WDR90: variants seen among roughly 807,000 people sequenced by gnomAD.
The protein encoded by WDR90 is WD repeat-containing protein 90.
In WDR90, 238 loss-of-function variants were observed where a neutral mutation model predicts 195.2. The observed-to-expected ratio is 1.22, with a 90% CI of 1.10 to 1.36. The LOEUF (loss-of-function observed/expected upper bound fraction) is 1.36. WDR90 is among the 40% of genes most tolerant of loss of function. The pLI is 0.00. For missense variants in WDR90, 2,734 were observed against 2,439.5 expected, an observed-to-expected ratio of 1.12 and a Z score of -2.54; for synonymous variants, 1,265 against 1,052.4, an observed-to-expected ratio of 1.20 and a Z score of -3.91.
At position 649,770 on chromosome 16, in the gene WDR90, G is replaced by A. The variant is rs1443400524; in HGVS notation, c.18G>A (p.Gln6=). The change falls in exon 2 of 41, where the codon CAG becomes CAA. Residue 6 remains glutamine, a synonymous_variant. Coordinates refer to ENST00000293879, the MANE Select transcript of WDR90 (RefSeq NM_145294.5). ...GGCGCCCGCTCCCCGCAGCGTGGCAGCACCCGTTCCTCAACGTCTTCAGAC... is the reference window on the plus strand; with the variant it reads ...GGCGCCCGCTCCCCGCAGCGTGGCAACACCCGTTCCTCAACGTCTTCAGAC... MARAW[Q]HPFLNVFRHF... is the part of the protein sequence containing the mutation. 6.4e-7 allele frequency: 1 copy of A among 1,559,778 alleles called. No individual in the cohort carries two copies. The highest frequency in any genetic ancestry group is 1.9e-5 in the Admixed American group (1 of 52,002).
chr16:652,857 AGT>A (rs1344210729), intron 10 of WDR90, among the ~76,000 whole-genome samples: 1 of 152,098 alleles, frequency 6.6e-6, no homozygotes, highest in Non-Finnish European at 1.5e-5. Context: ...CCAGACCAGC[AGT>A]GTGGGGCCAG....
chr16:650,019 G>T lies in WDR90; in HGVS notation c.131G>T (p.Arg44Leu), dbSNP rs2037609535. ...AAGACCCTGAAGGGCGCCGTGTATC[G>T]CATTCGGGGCTCAGTCTCTGCCGCC... ...TDKTLKGAVY[R>L]IRGSVSAANY... Residue 44 changes from arginine (R) to leucine (L), a missense_variant, in exon 3 of 41, where the codon CGC (arginine) becomes CTC (leucine). Arg to Leu is a moderately radical substitution (Grantham distance 102). Transcript: ENST00000293879. 6.2e-7 allele frequency: 1 copy of T among 1,612,760 alleles called. No homozygotes were observed. The highest frequency in any genetic ancestry group is 8.5e-7 in the Non-Finnish European group (1 of 1,179,970).
intron 31 of WDR90, 47 bp from the exon 32 acceptor site, chr16:661,843 TG>T: frequency 6.3e-7 from 1 of 1,590,816 alleles, no homozygotes; most frequent in South Asian, 1.1e-5. Flanking sequence ...GGAATCTGCC[TG>T]GGCCCCGGGA....
intron 17 of WDR90, 106 bp from the exon 18 acceptor site, chr16:656,194 CTT>C (rs2037749964): frequency 4.6e-6 from 5 of 1,087,198 alleles, no homozygotes; most frequent in Non-Finnish European, 6.6e-6. Context: ...GAGCCTGGGA[CTT>C]TGAGCAGCAG....
intron 10 of WDR90, 67 bp downstream of exon 10, chr16:652,602 G>C: frequency 6.7e-7 from 1 of 1,484,628 alleles, no homozygotes; most frequent in Non-Finnish European, 9.0e-7. Flanking sequence ...GTACAGAACG[G>C]GGAGAGAGGA....
Position 655,808 on chromosome 16 carries a change from C to T in WDR90, c.1885C>T (p.Pro629Ser). Reference sequence around the variant, plus strand: ...TGCCATCAGCAGCCTCAGCGTCTCCCCGGCCATGTGTGCTGTGGGCTCTGA... The same window carrying T: ...TGCCATCAGCAGCCTCAGCGTCTCCTCGGCCATGTGTGCTGTGGGCTCTGA... Reference protein sequence around the residue: ...GIAISSLSVSPAMCAVGSEDG... With the variant: ...GIAISSLSVSSAMCAVGSEDG... The change falls in exon 17 of 41, where the codon CCG becomes TCG. Residue 629 changes from proline to serine, a missense_variant. Pro to Ser is a moderately conservative substitution (Grantham distance 74, BLOSUM62 -1). Transcript: ENST00000293879. The T allele has an allele frequency of 6.3e-7, 1 of 1,592,420 alleles. No homozygotes were observed. Among genetic ancestry groups the T allele is most frequent in the Non-Finnish European group, 8.5e-7 (1 of 1,171,044 alleles).
In WDR90 at chr16:665,973, C is replaced by T. The variant is rs2038017414; in HGVS notation, c.4458C>T (p.Ser1486=). The T allele has an allele frequency of 2.5e-6, 4 of 1,594,272 alleles. No homozygotes were observed. The highest frequency in any genetic ancestry group is 2.2e-5 in the East Asian group (1 of 44,692). ...AGAGCTGCCTCTGCCTGGCATGGAG[C>T]CCCCCGTGCTGTGGCCGCCCTGAGC... is the stretch of plus-strand genomic sequence containing the variant. ...LNQSCLCLAW[S]PPCCGRPEQQ... Residue 1486 remains serine, a synonymous_variant, in exon 36 of 41, where the codon AGC becomes AGT. Transcript: ENST00000293879.
chr16:654,125 C>T (rs968142820), intron 13 of WDR90: 3 of 406,590 alleles, frequency 7.4e-6, no homozygotes, highest in South Asian at 5.4e-5. Context: ...CTGCAGCTGA[C>T]CCACGCTTGG....
At chr16:660,480 G>T in intron 27 of WDR90, 132 bp from the exon 28 acceptor site, 1 of 919,224 alleles carries the variant, frequency 1.1e-6, no homozygotes, top group Non-Finnish European at 1.6e-6. Context: ...TCCTACCCCA[G>T]CTTCCCCGTC....
At chr16:651,349 G>T in intron 7 of WDR90, 83 bp downstream of exon 7, 1 of 1,485,822 alleles carries the variant, frequency 6.7e-7, no homozygotes. Flanking sequence ...GGCTGGGAAA[G>T]GACCCAGTGG....
rs749370318 is a variant in WDR90, at chr16:667,697, C to T, written c.*108C>T. On this transcript the variant is annotated 3_prime_UTR_variant, in exon 41 of 41. Transcript: ENST00000293879. ...GTCAATGGCCTCATGCTGGGACAGG[C>T]CAGGATTCACGTAAATCGCCTGGAG... 1 of 1,515,366 alleles carries T rather than the reference C, an allele frequency of 6.6e-7. No individual in the cohort carries two copies. Among genetic ancestry groups the T allele is most frequent in the South Asian group, 1.2e-5 (1 of 85,570 alleles). The allele number at this position is 1,515,366 out of a possible 1,614,324, so 93.9% of individuals were successfully genotyped here.
intron 34 of WDR90, among the ~76,000 whole-genome samples, chr16:664,108 G>T (rs2151362119): frequency 1.3e-5 from 2 of 152,326 alleles, no homozygotes; most frequent in South Asian, 4.1e-4. Flanking sequence ...GTTTGCTGAG[G>T]TGTAGTCGTC....
intron 26 of WDR90, 36 bp downstream of exon 26, chr16:659,412 CG>C: frequency 1.9e-6 from 3 of 1,578,444 alleles, no homozygotes; most frequent in Non-Finnish European, 2.6e-6. Context: ...TGGGGGGATT[CG>C]GGGGTCTGAG....
intron 40 of WDR90, 110 bp downstream of exon 40, chr16:667,099 CTG>C: frequency 1.7e-6 from 2 of 1,207,940 alleles, no homozygotes; most frequent in South Asian, 2.6e-5. Flanking sequence ...CTCCTCGTCT[CTG>C]GGGTGGGGTG....
chr16:657,033 A>G (rs1029598282), intron 19 of WDR90, 58 bp from the exon 20 acceptor site: 1 of 1,581,620 alleles, frequency 6.3e-7, no homozygotes, highest in Non-Finnish European at 8.5e-7. Flanking sequence ...AGGTCGAGGG[A>G]ACCCATGGTA....
In WDR90 at chr16:661,125, G is replaced by A. The variant is rs1321789882; in HGVS notation, c.3466G>A (p.Gly1156Ser). Residue 1156 changes from glycine (G) to serine (S), a missense_variant, in exon 29 of 41, where the codon GGC becomes AGC. Physicochemically the swap from Gly to Ser is moderately conservative, Grantham distance 56. Coordinates refer to ENST00000293879, the MANE Select transcript of WDR90 (RefSeq NM_145294.5). The part of the protein sequence containing the change: ...LHSGAQQHWS[G>S]HSAEISTLAL... Reference sequence around the variant, plus strand: ...CTCTGGCGCCCAGCAGCACTGGTCCGGCCACTCTGCGGAGATCTCCACGCT... The same window carrying A: ...CTCTGGCGCCCAGCAGCACTGGTCCAGCCACTCTGCGGAGATCTCCACGCT... 13 of 1,563,720 alleles carry A rather than the reference G, an allele frequency of 8.3e-6. No homozygotes were observed. The highest frequency in any genetic ancestry group is 3.5e-5 in the South Asian group (3 of 86,340).
intron 7 of WDR90, 57 bp downstream of exon 7, chr16:651,323 C>A (rs948541166): frequency 6.3e-7 from 1 of 1,583,350 alleles, no homozygotes; most frequent in Non-Finnish European, 8.6e-7. Context: ...GCGTGGGGCT[C>A]GGTAGGAGAG....
chr16:662,548 T>C, intron 33 of WDR90, 131 bp from the exon 34 acceptor site: 1 of 1,349,834 alleles, frequency 7.4e-7, no homozygotes, highest in Non-Finnish European at 1.0e-6. Context: ...CTTTCTCTTC[T>C]TCCACCGGGA....
Position 655,454 on chromosome 16 carries a change from C to G in WDR90, c.1704C>G (p.Pro568=). The G allele has an allele frequency of 1.3e-6, 2 of 1,540,390 alleles. No individual in the cohort carries two copies. Among genetic ancestry groups the G allele is most frequent in the East Asian group, 2.3e-5 (1 of 42,670 alleles). ...AGGCCCGGGACGGCTGCCCGGAGCC[C>G]TCGGCTGCCATGCTGTGAGTCCCTG... is the stretch of plus-strand genomic sequence containing the variant. The part of the protein sequence containing the change: ...FKQARDGCPE[P]SAAMLFVCSR... Residue 568 remains proline (P), a synonymous_variant, in exon 15 of 41, where the codon CCC becomes CCG. Transcript: ENST00000293879.
Sources: gnomAD v4.1 joint callset for allele counts (sites outside exome capture counted in the v4.1 genomes callset) on GRCh38, gnomAD v4.1.1 for gene constraint, MANE v1.5 for transcripts, NCBI Gene and HGNC (gene_info 2026-07-23, HGNC 2026-07-21) for gene names.